Variants in MLLT10 observed in about 807,000 individuals in gnomAD.
The protein encoded by MLLT10 is protein AF-10.
Under a neutral mutation model 129.1 loss-of-function variants are expected in MLLT10, and 30 were observed. That is an observed-to-expected ratio of 0.23 (90% CI 0.17 to 0.32). MLLT10 has a LOEUF of 0.32. Ranked by LOEUF, MLLT10 falls within the 10% of genes least tolerant of loss-of-function variation. MLLT10 has a pLI of 1.00. For synonymous variants in MLLT10, 490 were observed against 446.4 expected (o/e 1.10, Z -1.23); for missense variants, 1,119 against 1,268.3 (o/e 0.88, Z 1.79).
chr10:21,702,575 T>G (rs1038801308), intron 13 of MLLT10, among the ~76,000 whole-genome samples: 4 of 152,252 alleles, frequency 2.6e-5, no homozygotes, highest in African/African-American at 7.2e-5. Context: ...TCTTTAGGTT[T>G]AGTAATATTT....
At chr10:21,699,509 G>A (rs2054691759) in intron 13 of MLLT10, among the ~76,000 whole-genome samples, 1 of 151,922 alleles carries the variant, frequency 6.6e-6, no homozygotes. Context: ...ATACTTTCAG[G>A]TCTTATGTTT....
At chr10:21,717,876 T>TCCTCCTCCTC (rs2056841326) in intron 14 of MLLT10, among the ~76,000 whole-genome samples, 11 of 75,718 alleles carry the variant, frequency 1.5e-4, no homozygotes, top group African/African-American at 1.1e-4. Flanking sequence ...TCCTCCTCCT[T>TCCTCCTCCTC]CTCCTCCTCC....
At chr10:21,689,937 A>T (rs191030581) in intron 13 of MLLT10, among the ~76,000 whole-genome samples, 15 of 152,016 alleles carry the variant, frequency 9.9e-5, no homozygotes, top group Admixed American at 9.8e-4. Flanking sequence ...AACTGATGAG[A>T]TGTGTATTAC....
Position 21,622,132 on chromosome 10 carries a change from T to C in MLLT10, c.699+4925T>C, listed in dbSNP as rs538558228. 6.0e-5 allele frequency among the ~76,000 whole-genome samples: 9 copies of C among 150,788 alleles called. No homozygotes were observed. In the South Asian group the frequency reaches 1.7e-3, roughly 28 times the overall value. On this transcript the variant is annotated intron_variant, in intron 8 of 22. Transcript: ENST00000307729. ...CTTCGAATAAGGGATAGTTTGTTTT[T>C]TCTTGTTTCTTTTGTTTTTCCTTTT... is the stretch of plus-strand genomic sequence containing the variant.
At chr10:21,610,984 C>CTTTGTTTTTTTTTTTTTTTTTTTTT (rs2044564539) in intron 5 of MLLT10, among the ~76,000 whole-genome samples, 1 of 102,886 alleles carries the variant, frequency 9.7e-6, no homozygotes, top group Non-Finnish European at 1.9e-5. Context: ...TCTTTTTTCT[C>CTTTGTTTTTTTTTTTTTTTTTTTTT]TTTTTTTTTT....
chr10:21,704,021 T>A (rs867040785), intron 13 of MLLT10, among the ~76,000 whole-genome samples: 1 of 128,824 alleles, frequency 7.8e-6, no homozygotes. Flanking sequence ...TTTTTGTTTT[T>A]TTTTTTTTTT....
intron 16 of MLLT10, among the ~76,000 whole-genome samples, chr10:21,730,421 TTC>T (rs2057873378): frequency 6.6e-6 from 1 of 152,214 alleles, no homozygotes; most frequent in South Asian, 2.1e-4. Flanking sequence ...TCTTAAAAAT[TTC>T]TTTTTAGTGA....
intron 9 of MLLT10, among the ~76,000 whole-genome samples, chr10:21,666,217 A>G (rs2050780292): frequency 6.6e-6 from 1 of 152,134 alleles, no homozygotes; most frequent in South Asian, 2.1e-4. Context: ...TTCAAGCAAT[A>G]TTATACTAGT....
chr10:21,579,432 T>C (rs566939616), intron 3 of MLLT10, among the ~76,000 whole-genome samples: 3 of 151,990 alleles, frequency 2.0e-5, no homozygotes, highest in African/African-American at 7.2e-5. Flanking sequence ...CCTCATATTC[T>C]TTCTCTCTTC....
intron 5 of MLLT10, among the ~76,000 whole-genome samples, chr10:21,602,914 A>G (rs1478690641): frequency 6.8e-6 from 1 of 147,680 alleles, no homozygotes; most frequent in Non-Finnish European, 1.5e-5. Flanking sequence ...TTGTATTTTT[A>G]GTAGAGACGG....
intron 14 of MLLT10, among the ~76,000 whole-genome samples, chr10:21,719,355 T>G (rs1208083888): frequency 6.6e-6 from 1 of 152,154 alleles, no homozygotes; most frequent in East Asian, 1.9e-4. Flanking sequence ...GGAATTACCT[T>G]TCTGAGGAAA....
chr10:21,575,060 C>T (rs1743173944), intron 3 of MLLT10, among the ~76,000 whole-genome samples: 1 of 152,114 alleles, frequency 6.6e-6, no homozygotes, highest in African/African-American at 2.4e-5. Flanking sequence ...ACTTTGACTT[C>T]AAATTCTCTG....
At chr10:21,691,892 C>T (rs757248657) in intron 13 of MLLT10, among the ~76,000 whole-genome samples, 3 of 149,758 alleles carry the variant, frequency 2.0e-5, no homozygotes, top group Non-Finnish European at 3.0e-5. Flanking sequence ...AGACTGGGCA[C>T]GGTGGCTCAC....
intron 3 of MLLT10, chr10:21,557,280 T>A: frequency 1.4e-6 from 1 of 710,464 alleles, no homozygotes; most frequent in Non-Finnish European, 1.8e-6. Context: ...GTATTTGATA[T>A]AACACTTTCA....
chr10:21,637,402 T>C (rs977219810), intron 8 of MLLT10, among the ~76,000 whole-genome samples: 1 of 152,192 alleles, frequency 6.6e-6, no homozygotes, highest in Non-Finnish European at 1.5e-5. Flanking sequence ...TTTTCGATGG[T>C]GGGATTCTGA....
intron 13 of MLLT10, among the ~76,000 whole-genome samples, chr10:21,701,591 A>G (rs2054919578): frequency 6.6e-6 from 1 of 151,864 alleles, no homozygotes; most frequent in Non-Finnish European, 1.5e-5. Context: ...TATTAAAAAT[A>G]TATATATATT....
intron 8 of MLLT10, among the ~76,000 whole-genome samples, chr10:21,648,248 A>G (rs966584398): frequency 3.3e-5 from 5 of 152,248 alleles, no homozygotes; most frequent in African/African-American, 9.6e-5. Flanking sequence ...TCATATGGAT[A>G]TAAGCCATGC....
rs1482541883 is a variant in MLLT10, at chr10:21,742,746, T to C, written c.*763T>C. 4.4e-6 allele frequency: 1 copy of C among 227,282 alleles called. No homozygotes were observed. The highest frequency in any genetic ancestry group is 8.7e-6 in the Non-Finnish European group (1 of 114,314). The allele number at this position is 227,282 out of a possible 1,614,324, so 14.1% of individuals were successfully genotyped here. A position where few individuals can be genotyped will look rare whatever the true frequency, so the allele number is the denominator to read the frequency against. Reference sequence around the variant, plus strand: ...AATACTTCTTTCAGAAAGGGGCCACTGTGGAAAGTGCTGGTGGGGTTTGCC... The same window carrying C: ...AATACTTCTTTCAGAAAGGGGCCACCGTGGAAAGTGCTGGTGGGGTTTGCC... On this transcript the variant is annotated 3_prime_UTR_variant, in exon 23 of 23. Coordinates refer to ENST00000307729, the MANE Select transcript of MLLT10 (RefSeq NM_001195626.3).
At chr10:21,632,785 T>C (rs2047122153) in intron 8 of MLLT10, among the ~76,000 whole-genome samples, 1 of 152,208 alleles carries the variant, frequency 6.6e-6, no homozygotes, top group Non-Finnish European at 1.5e-5. Flanking sequence ...ATCTGACTTA[T>C]CTGAGAAGCC....
Sources: allele counts gnomAD v4.1 joint callset (sites outside exome capture counted in the v4.1 genomes callset), GRCh38; gene constraint gnomAD v4.1.1; transcripts MANE v1.5; gene names NCBI Gene and HGNC (gene_info 2026-07-23, HGNC 2026-07-21).